Variants in FAM227B observed in about 807,000 individuals in gnomAD.
The protein encoded by FAM227B is family with sequence similarity 227 member B.
A neutral mutation model predicts 73.8 loss-of-function variants in FAM227B; 88 were observed. That is an observed-to-expected ratio of 1.19 (90% confidence interval 1.00 to 1.42). The LOEUF (loss-of-function observed/expected upper bound fraction) is 1.42, where lower values mean the gene tolerates loss of function less well. Among genes scored for constraint, FAM227B ranks in the 40% most tolerant of loss-of-function variants. The pLI is 0.00. For missense variants in FAM227B, 632 were observed against 590.9 expected, an observed-to-expected ratio of 1.07 and a Z score of -0.72; for synonymous variants, 210 against 190.5, an observed-to-expected ratio of 1.10 and a Z score of -0.84.
chr15:49,520,412 C>T (rs1424913744), intron 10 of FAM227B, among the ~76,000 whole-genome samples: 1 of 152,198 alleles, frequency 6.6e-6, no homozygotes, highest in African/African-American at 2.4e-5. Context: ...TCCAAAGTTG[C>T]TTCCACATTT....
chr15:49,461,438 T>A lies in FAM227B; in HGVS notation c.1012+46773A>T, dbSNP rs188845648. Among the ~76,000 whole-genome samples the A allele has an allele frequency of 4.5e-4, 68 of 152,040 alleles. 1 individual carries two copies. Among genetic ancestry groups the A allele is most frequent in the African/African-American group, 1.4e-3 (57 of 41,502 alleles). ...ATCATCCAAACTATAAAAAGAGGAG[T>A]GGCTTATCTGACATCATGTCTATTT... On this transcript the variant is annotated intron_variant, in intron 11 of 15. Coordinates refer to ENST00000299338, the MANE Select transcript of FAM227B (RefSeq NM_152647.3).
Position 49,331,778 on chromosome 15 carries a change from AC to A in FAM227B, c.1419+1del, listed in dbSNP as rs764319507. ...TCAATTATTTTCAGAAAGAAAACCT[AC>A]CAGTTTATGTAGGAACTTCTCAAAG... is the stretch of plus-strand genomic sequence containing the variant. On this transcript the variant is annotated splice_donor_variant, in intron 15 of 15. Transcript: ENST00000299338. LOFTEE classifies it high-confidence loss of function. 7 of 1,576,792 alleles carry A rather than the reference AC, an allele frequency of 4.4e-6. No individual in the cohort carries two copies. The highest frequency in any genetic ancestry group is 5.2e-6 in the Non-Finnish European group (6 of 1,146,266).
chr15:49,484,769 TGTTA>T, intron 11 of FAM227B: 1 of 295,516 alleles, frequency 3.4e-6, no homozygotes, highest in Non-Finnish European at 6.2e-6. Context: ...ACAATCATGA[TGTTA>T]GTAACAGTAA....
chr15:49,598,774 G>A (rs182880928), intron 3 of FAM227B, among the ~76,000 whole-genome samples: 3 of 151,940 alleles, frequency 2.0e-5, no homozygotes, highest in African/African-American at 4.8e-5. Context: ...ATGTTGAAAC[G>A]TCCTTGCATC....
intron 13 of FAM227B, among the ~76,000 whole-genome samples, chr15:49,361,100 T>C (rs2044146879): frequency 6.6e-6 from 1 of 152,188 alleles, no homozygotes; most frequent in African/African-American, 2.4e-5. Flanking sequence ...TTTAAGGTGA[T>C]GAATATGTTA....
At chr15:49,420,729 G>A (rs970799147) in intron 11 of FAM227B, among the ~76,000 whole-genome samples, 16 of 152,102 alleles carry the variant, frequency 1.1e-4, no homozygotes, top group Admixed American at 7.9e-4. Flanking sequence ...TTTTTCAGAT[G>A]GAGTCTCGCT....
chr15:49,606,745 AATGTGG>A (rs2077546322), intron 3 of FAM227B, among the ~76,000 whole-genome samples: 1 of 152,144 alleles, frequency 6.6e-6, no homozygotes, highest in Non-Finnish European at 1.5e-5. Context: ...CTTCTTTCTC[AATGTGG>A]AAGCCTGCCT....
At chr15:49,429,283 G>C (rs1309205273) in intron 11 of FAM227B, among the ~76,000 whole-genome samples, 1 of 151,932 alleles carries the variant, frequency 6.6e-6, no homozygotes, top group Non-Finnish European at 1.5e-5. Context: ...TAACTTGTTA[G>C]GGCTTTAAAT....
intron 9 of FAM227B, among the ~76,000 whole-genome samples, chr15:49,554,658 T>TG (rs2073441830): frequency 6.6e-6 from 1 of 152,202 alleles, no homozygotes; most frequent in Non-Finnish European, 1.5e-5. Flanking sequence ...CTGCCACTGC[T>TG]GGGGGTTGGG....
At chr15:49,606,354 C>T (rs2077521039) in intron 3 of FAM227B, 1 of 151,998 alleles carries the variant, frequency 6.6e-6, no homozygotes, top group African/African-American at 2.4e-5. Context: ...TTCTAGTTTT[C>T]TCTCTTTCCG....
At chr15:49,354,622 A>G (rs984950418) in intron 13 of FAM227B, among the ~76,000 whole-genome samples, 2 of 152,184 alleles carry the variant, frequency 1.3e-5, no homozygotes, top group Non-Finnish European at 2.9e-5. Context: ...GCTGATTGCT[A>G]GCACAGCAGT....
intron 9 of FAM227B, among the ~76,000 whole-genome samples, chr15:49,544,746 G>C (rs2071576523): frequency 6.6e-6 from 1 of 152,072 alleles, no homozygotes; most frequent in African/African-American, 2.4e-5. Context: ...TAATTTTTCT[G>C]CATCTATTGA....
At chr15:49,365,073 A>ATT (rs2044890490) in intron 13 of FAM227B, 1 of 587,932 alleles carries the variant, frequency 1.7e-6, no homozygotes, top group Non-Finnish European at 3.1e-6. Context: ...AAAAAGTCAA[A>ATT]GTCTATTTGT....
intron 11 of FAM227B, among the ~76,000 whole-genome samples, chr15:49,493,890 G>A (rs28407795): frequency 5.7e-4 from 49 of 85,770 alleles, no homozygotes; most frequent in East Asian, 6.8e-4. Flanking sequence ...ATATATATAT[G>A]TGTGTGTGTG....
intron 11 of FAM227B, among the ~76,000 whole-genome samples, chr15:49,399,617 C>G (rs912522827): frequency 1.3e-5 from 2 of 151,214 alleles, no homozygotes; most frequent in African/African-American, 2.4e-5. Flanking sequence ...ACTGGCAAAA[C>G]AAATCCAGCA....
At chr15:49,552,335 T>A (rs1224275150) in intron 9 of FAM227B, among the ~76,000 whole-genome samples, 1 of 152,194 alleles carries the variant, frequency 6.6e-6, no homozygotes, top group South Asian at 2.1e-4. Context: ...AGGTTTCCAC[T>A]GAAAAGACTG....
intron 11 of FAM227B, among the ~76,000 whole-genome samples, chr15:49,450,888 T>C (rs2052657806): frequency 1.3e-5 from 2 of 152,140 alleles, no homozygotes; most frequent in African/African-American, 4.8e-5. Flanking sequence ...GGGCTGAACC[T>C]ATTTGGGAAA....
intron 13 of FAM227B, among the ~76,000 whole-genome samples, chr15:49,349,590 G>A (rs780853437): frequency 6.6e-6 from 1 of 152,084 alleles, no homozygotes; most frequent in Non-Finnish European, 1.5e-5. Context: ...GAGTCAAGTA[G>A]GGGAGTTATT....
chr15:49,524,401 C>G (rs1258923716), intron 10 of FAM227B, among the ~76,000 whole-genome samples: 1 of 152,144 alleles, frequency 6.6e-6, no homozygotes, highest in African/African-American at 2.4e-5. Context: ...GCACAGAAGT[C>G]AAGAATTGAG....
Sources: gnomAD v4.1 joint callset for allele counts (sites outside exome capture counted in the v4.1 genomes callset) on GRCh38, gnomAD v4.1.1 for gene constraint, MANE v1.5 for transcripts, NCBI Gene and HGNC (gene_info 2026-07-23, HGNC 2026-07-21) for gene names.